The following PLD5 variants were observed in gnomAD, a reference collection of about 807,000 sequenced individuals.
PLD5 encodes the protein phospholipase D family member 5.
In PLD5, 36 loss-of-function variants were observed where a neutral mutation model predicts 61.1. The ratio of observed to expected loss-of-function variants is 0.59; its 90% CI spans 0.45 to 0.78. PLD5 has a LOEUF of 0.78. Ranked by LOEUF, PLD5 falls within the 30% of genes least tolerant of loss-of-function variation. PLD5 has a pLI of 0.00. For synonymous variants in PLD5, 243 were observed against 242.8 expected, an observed-to-expected ratio of 1.00 and a Z score of -0.01; for missense variants, 515 against 644.4, an observed-to-expected ratio of 0.80 and a Z score of 2.17.
chr1:242,202,210 A>G (rs1004566976), intron 5 of PLD5, among the ~76,000 whole-genome samples: 1 of 151,888 alleles, frequency 6.6e-6, no homozygotes, highest in Non-Finnish European at 1.5e-5. Flanking sequence ...AAGACTCTGT[A>G]TCCAAAAAAC....
chr1:242,251,679 T>C (rs983712022), intron 4 of PLD5, among the ~76,000 whole-genome samples: 1 of 152,086 alleles, frequency 6.6e-6, no homozygotes, highest in African/African-American at 2.4e-5. Flanking sequence ...GGATGGATAG[T>C]GCCAAGTTCT....
chr1:242,327,176 TTTTAA>T (rs1169740491), intron 2 of PLD5, among the ~76,000 whole-genome samples: 2 of 151,532 alleles, frequency 1.3e-5, no homozygotes, highest in African/African-American at 4.9e-5. Flanking sequence ...TAATTTTTTT[TTTTAA>T]TTGTTTGTAG....
chr1:242,322,356 G>A (rs1288132479), intron 2 of PLD5, among the ~76,000 whole-genome samples: 1 of 152,082 alleles, frequency 6.6e-6, no homozygotes, highest in African/African-American at 2.4e-5. Flanking sequence ...CCTTTTTCAA[G>A]TCTTTGTCCA....
At chr1:242,219,940 G>A (rs755883100) in intron 5 of PLD5, 48 bp downstream of exon 5, 37 of 1,579,846 alleles carry the variant, frequency 2.3e-5, no homozygotes, top group Admixed American at 6.7e-5. Flanking sequence ...GAAGGTGGTC[G>A]CTTTGAGGGT....
chr1:242,342,845 C>T (rs1659915117), intron 2 of PLD5, among the ~76,000 whole-genome samples: 2 of 151,958 alleles, frequency 1.3e-5, no homozygotes, highest in African/African-American at 4.8e-5. Flanking sequence ...AGTTTAGAGC[C>T]TTTGATATTT....
At chr1:242,189,276 C>T (rs1231872338) in intron 5 of PLD5, among the ~76,000 whole-genome samples, 2 of 151,988 alleles carry the variant, frequency 1.3e-5, no homozygotes, top group Non-Finnish European at 2.9e-5. Flanking sequence ...GAAACCTCGT[C>T]TCTACTAAAA....
intron 5 of PLD5, among the ~76,000 whole-genome samples, 174 bp downstream of exon 5, chr1:242,219,814 C>T (rs924851232): frequency 2.6e-5 from 4 of 152,096 alleles, no homozygotes; most frequent in African/African-American, 9.7e-5. Context: ...TAAGATGATC[C>T]TGACAAGCAA....
chr1:242,438,404 C>T (rs982255313), intron 1 of PLD5, among the ~76,000 whole-genome samples: 18 of 150,512 alleles, frequency 1.2e-4, no homozygotes, highest in Middle Eastern at 3.5e-3. Context: ...GCTGGGACTA[C>T]AGGCCTGAGC....
At chr1:242,268,426 G>T (rs1673845018) in intron 3 of PLD5, among the ~76,000 whole-genome samples, 2 of 152,156 alleles carry the variant, frequency 1.3e-5, no homozygotes, top group South Asian at 4.2e-4. Context: ...TAACTTATCT[G>T]TATTTCTGGC....
rs182137140 is a variant in PLD5, at chr1:242,373,349, G to C, written c.190-25107C>G. ...AAACAGGAACACTTTTACACTGTTG[G>C]TAGGACTGTAAACTAGTTCAACCAT... On this transcript the variant is annotated intron_variant, in intron 1 of 9. Coordinates refer to ENST00000536534, the MANE Select transcript of PLD5 (RefSeq NM_001372062.1). Among the ~76,000 whole-genome samples the C allele has an allele frequency of 4.5e-4, 69 of 152,306 alleles. No homozygotes were observed. In the East Asian group the frequency reaches 0.013, roughly 29 times the overall value.
chr1:242,362,310 G>T (rs10926699), intron 1 of PLD5, among the ~76,000 whole-genome samples: 1 of 151,948 alleles, frequency 6.6e-6, no homozygotes, highest in Admixed American at 6.6e-5. Context: ...GAGACAGTCT[G>T]GGTATTTAAT....
At chr1:242,200,854 C>T (rs1239428535) in intron 5 of PLD5, among the ~76,000 whole-genome samples, 1 of 152,146 alleles carries the variant, frequency 6.6e-6, no homozygotes, top group Non-Finnish European at 1.5e-5. Flanking sequence ...ATACAAAGCT[C>T]TTACTAAAAA....
At chr1:242,416,769 G>C (rs1375564408) in intron 1 of PLD5, among the ~76,000 whole-genome samples, 1 of 152,172 alleles carries the variant, frequency 6.6e-6, no homozygotes, top group Non-Finnish European at 1.5e-5. Flanking sequence ...GTGAACAAAG[G>C]CATTGATTCA....
intron 5 of PLD5, among the ~76,000 whole-genome samples, chr1:242,192,537 T>A (rs918233852): frequency 2.0e-5 from 3 of 152,210 alleles, no homozygotes; most frequent in African/African-American, 7.2e-5. Context: ...AAATCCCTGC[T>A]GTGTCTTATC....
intron 1 of PLD5, among the ~76,000 whole-genome samples, chr1:242,403,626 G>C (rs886375490): frequency 1.3e-5 from 2 of 150,262 alleles, no homozygotes; most frequent in African/African-American, 4.9e-5. Flanking sequence ...CACCAGGCCT[G>C]GGTAATTTTT....
At chr1:242,188,781 A>G (rs929095640) in intron 5 of PLD5, 1 of 152,214 alleles carries the variant, frequency 6.6e-6, no homozygotes, top group Non-Finnish European at 1.5e-5. Flanking sequence ...GTCCTCTTCA[A>G]TTGAGTGTAT....
intron 1 of PLD5, among the ~76,000 whole-genome samples, chr1:242,495,082 A>G (rs1668326247): frequency 6.6e-6 from 1 of 152,102 alleles, no homozygotes; most frequent in African/African-American, 2.4e-5. Flanking sequence ...CACTTAACCA[A>G]GTCAAGCAGA....
In PLD5 at chr1:242,113,951, T is replaced by G. The variant is rs145254961; in HGVS notation, c.1009A>C (p.Lys337Gln). 1 of 1,614,146 alleles carries G rather than the reference T, an allele frequency of 6.2e-7. No homozygotes were observed. Among genetic ancestry groups the G allele is most frequent in the South Asian group, 1.1e-5 (1 of 91,076 alleles). Residue 337 changes from lysine (K) to glutamine (Q), a missense_variant, in exon 7 of 10, where the codon AAG becomes CAG. Physicochemically the swap from Lys to Gln is moderately conservative, Grantham distance 53. Around this residue, in one of 2 missense-constraint regions of PLD5, gnomAD observed 450 missense variants for 598.1 expected, o/e 0.75. Transcript: ENST00000536534. ...ATGACAGCGATGTACACATACTGCTTGGCATCATCTATCACACTGTAGATG... is the reference window on the plus strand; with the variant it reads ...ATGACAGCGATGTACACATACTGCTGGGCATCATCTATCACACTGTAGATG... ...DAIYSVIDDA[K>Q]QYVYIAVMDY... is the part of the protein sequence containing the mutation.
intron 2 of PLD5, among the ~76,000 whole-genome samples, chr1:242,322,334 C>T: frequency 6.6e-6 from 1 of 152,206 alleles, no homozygotes; most frequent in East Asian, 1.9e-4. Context: ...AACCCTCTTC[C>T]CCAGATATCT....
Sources: gnomAD v4.1 joint callset for allele counts (sites outside exome capture counted in the v4.1 genomes callset) on GRCh38, gnomAD v4.1.1 for gene constraint, gnomAD v4.1.1 regional missense constraint, MANE v1.5 for transcripts, NCBI Gene and HGNC (gene_info 2026-07-23, HGNC 2026-07-21) for gene names.